MBP: variants seen among roughly 807,000 people sequenced by gnomAD.
MBP encodes the protein Golli-MBP.
MBP carries 16 observed loss-of-function variants against 35.8 expected under a neutral mutation model. That is an observed-to-expected ratio of 0.45 (90% CI 0.30 to 0.68). MBP has a LOEUF of 0.68. Among genes scored for constraint, MBP ranks in the 30% least tolerant of loss-of-function variants. The pLI, the probability that MBP is intolerant of heterozygous loss-of-function variation, is 0.08. For missense variants in MBP, 380 were observed against 404.7 expected (o/e 0.94, Z 0.52); for synonymous variants, 143 against 159.6 (o/e 0.90, Z 0.78).
At chr18:77,104,415 C>A (rs547745213) in intron 2 of MBP, among the ~76,000 whole-genome samples, 1 of 152,116 alleles carries the variant, frequency 6.6e-6, no homozygotes, top group African/African-American at 2.4e-5. Flanking sequence ...GCCAAGTAGC[C>A]GCACGCAGGA....
intron 7 of MBP, chr18:76,986,704 G>A: frequency 1.0e-6 from 1 of 985,508 alleles, no homozygotes. Flanking sequence ...GCAGAGGGCA[G>A]GTTGCCAGCC....
Position 77,082,134 on chromosome 18 carries a change from G to C in MBP, c.52-15749C>G, listed in dbSNP as rs954494821. On this transcript the variant is annotated intron_variant, in intron 2 of 8. Coordinates refer to ENST00000355994, the MANE Select transcript of MBP (RefSeq NM_001025101.2). ...CCCAAAGTGCTGGGATTACAGGCGT[G>C]AGCCACTGCGCCCGGCCCATAGCAG... Among the ~76,000 whole-genome samples the C allele has an allele frequency of 6.6e-5, 10 of 151,974 alleles. No individual in the cohort carries two copies. The East Asian group carries it at 7.7e-4, about 12-fold the overall frequency.
chr18:76,993,550 CAA>C (rs60296914), intron 4 of MBP, among the ~76,000 whole-genome samples: 11,443 of 112,764 alleles, frequency 0.1, 527 homozygotes, highest in African/African-American at 0.18. Context: ...ACTTTGTCTC[CAA>C]AAAAAAAAAA....
intron 4 of MBP, among the ~76,000 whole-genome samples, 186 bp from the exon 5 acceptor site, chr18:76,990,246 G>T (rs1969820794): frequency 6.6e-6 from 1 of 151,972 alleles, no homozygotes; most frequent in Non-Finnish European, 1.5e-5. Context: ...AGAGAGATGG[G>T]CTTCAACTCC....
chr18:77,078,708 G>A (rs562344823), intron 2 of MBP, among the ~76,000 whole-genome samples: 2 of 152,346 alleles, frequency 1.3e-5, no homozygotes, highest in East Asian at 3.9e-4. Context: ...CCGCAGAGTG[G>A]GGGCACATTC....
intron 1 of MBP, among the ~76,000 whole-genome samples, chr18:77,116,895 C>A (rs1789088): frequency 0.92 from 139,784 of 152,122 alleles, 64,347 homozygotes; most frequent in South Asian, 0.97. Context: ...ACAAAGAAAG[C>A]AAGCCCAAGG....
chr18:77,062,748 T>TAGCACCTGTGCCAGAGTC (rs1288907128), intron 3 of MBP, among the ~76,000 whole-genome samples: 12 of 152,192 alleles, frequency 7.9e-5, no homozygotes, highest in Non-Finnish European at 1.3e-4. Flanking sequence ...ACCATAGCAA[T>TAGCACCTGTGCCAGAGTC]AGCACCTGTG....
At chr18:77,126,639 GA>G (rs1174673448) in intron 1 of MBP, among the ~76,000 whole-genome samples, 1 of 152,062 alleles carries the variant, frequency 6.6e-6, no homozygotes, top group Non-Finnish European at 1.5e-5. Context: ...ACAATCCCAA[GA>G]AATCTACCAA....
At chr18:76,985,182 C>T (rs776686175) in intron 7 of MBP, 16 of 1,470,050 alleles carry the variant, frequency 1.1e-5, no homozygotes, top group East Asian at 3.0e-5. Flanking sequence ...GGATCTAAGT[C>T]GTTTAGGGAA....
Position 77,009,748 on chromosome 18 carries a change from C to T in MBP, c.576+7084G>A, listed in dbSNP as rs997195428. The T allele has an allele frequency of 1.1e-5, 12 of 1,068,570 alleles. No individual in the cohort carries two copies. In the Admixed American group the frequency reaches 1.2e-4, roughly 11 times the overall value. 66.2% of individuals were successfully genotyped at this position (1,068,570 alleles called of 1,614,324 possible). A position where few individuals can be genotyped will look rare whatever the true frequency, so the allele number is the denominator to read the frequency against. The stretch of plus-strand genomic sequence containing the variant: ...ATGCCCCGGAGGCTGGGGGTGGGCC[C>T]CTGGCAGTGACACTACCTGCCCCGA... On this transcript the variant is annotated intron_variant, in intron 4 of 8. Transcript: ENST00000355994.
At chr18:77,110,020 G>T (rs1363651904) in intron 1 of MBP, 3 of 152,064 alleles carry the variant, frequency 2.0e-5, no homozygotes, top group African/African-American at 4.8e-5. Flanking sequence ...ACAATGATTT[G>T]CTTTATCCCT....
At chr18:77,130,697 T>C (rs1977213371) in intron 1 of MBP, among the ~76,000 whole-genome samples, 1 of 151,816 alleles carries the variant, frequency 6.6e-6, no homozygotes, top group Non-Finnish European at 1.5e-5. Flanking sequence ...TTTTTTTTTT[T>C]CTTTTTTCCC....
intron 2 of MBP, among the ~76,000 whole-genome samples, chr18:77,084,637 T>C (rs549099719): frequency 9.9e-5 from 15 of 152,260 alleles, no homozygotes; most frequent in Admixed American, 8.5e-4. Context: ...AATGCACACA[T>C]AGCTTACCAT....
At chr18:77,087,547 A>T (rs1307680993) in intron 2 of MBP, 2 of 152,258 alleles carry the variant, frequency 1.3e-5, no homozygotes, top group African/African-American at 2.4e-5. Context: ...GCCGGGTCGC[A>T]CTTCATTCCT....
chr18:77,066,429 G>A (rs762983505), intron 2 of MBP, 44 bp from the exon 3 acceptor site: 1 of 1,240,162 alleles, frequency 8.1e-7, no homozygotes, highest in East Asian at 2.3e-5. Flanking sequence ...AAGATAAATT[G>A]TTTTATCAAC....
At chr18:77,013,393 G>A (rs879113237) in intron 4 of MBP, 18 of 985,304 alleles carry the variant, frequency 1.8e-5, no homozygotes, top group African/African-American at 3.5e-5. Flanking sequence ...AATGGTACAC[G>A]CCCCATGGGA....
At chr18:77,009,537 T>G (rs1392173111) in intron 4 of MBP, among the ~76,000 whole-genome samples, 7 of 152,212 alleles carry the variant, frequency 4.6e-5, no homozygotes, top group Non-Finnish European at 1.0e-4. Flanking sequence ...ACTTCAGGCC[T>G]CGGCAAAGTG....
At chr18:77,054,301 G>C (rs887953725) in intron 3 of MBP, among the ~76,000 whole-genome samples, 8 of 152,274 alleles carry the variant, frequency 5.3e-5, no homozygotes, top group Non-Finnish European at 1.0e-4. Flanking sequence ...CTAAGTGGGA[G>C]ATGTCAACGA....
At chr18:77,052,871 G>A (rs932038067) in intron 3 of MBP, among the ~76,000 whole-genome samples, 8 of 152,038 alleles carry the variant, frequency 5.3e-5, no homozygotes, top group African/African-American at 9.7e-5. Context: ...TATACCCCCC[G>A]GGTGGACTTC....
Sources: allele counts gnomAD v4.1 joint callset (sites outside exome capture counted in the v4.1 genomes callset), GRCh38; gene constraint gnomAD v4.1.1; transcripts MANE v1.5; gene names NCBI Gene and HGNC (gene_info 2026-07-23, HGNC 2026-07-21).